The following OR5A1 variants were observed in gnomAD, a reference collection of about 807,000 sequenced individuals.
OR5A1 encodes the protein olfactory receptor 5A1.
A neutral mutation model predicts 6.7 loss-of-function variants in OR5A1; 6 were observed. The observed-to-expected ratio is 0.89, with a 90% CI of 0.49 to 1.76. The LOEUF is 1.76. Among genes scored for constraint, OR5A1 ranks in the 40% most tolerant of loss-of-function variants. The pLI is 0.01. For synonymous variants in OR5A1, 170 were observed against 155.0 expected (o/e 1.10, Z -0.72); for missense variants, 378 against 381.7 (o/e 0.99, Z 0.08).
Position 59,444,763 on chromosome 11 carries a change from C to G in OR5A1, c.*647C>G, listed in dbSNP as rs1858528406. ...ATCAAATGCCCTCTCTAGGATCTCC[C>G]TGTTGAATTCCAATTATGGCTACTG... On this transcript the variant is annotated 3_prime_UTR_variant, in exon 2 of 2. Coordinates refer to ENST00000641045, the MANE Select transcript of OR5A1 (RefSeq NM_001004728.2). 1.3e-5 allele frequency: 2 copies of G among 152,168 alleles called. No individual in the cohort carries two copies. The highest frequency in any genetic ancestry group is 1.3e-4 in the Admixed American group (2 of 15,280). 9.4% of individuals were successfully genotyped at this position (152,168 alleles called of 1,614,324 possible). A position where few individuals can be genotyped will look rare whatever the true frequency, so the allele number is the denominator to read the frequency against.
In OR5A1 at chr11:59,443,892, A is replaced by C. The variant is rs1307258751; in HGVS notation, c.724A>C (p.Asn242His). 6.2e-7 allele frequency: 1 copy of C among 1,614,054 alleles called. No homozygotes were observed. Among genetic ancestry groups the C allele is most frequent in the South Asian group, 1.1e-5 (1 of 91,078 alleles). Residue 242 changes from asparagine (N) to histidine (H), a missense_variant, in exon 2 of 2, where the codon AAC becomes CAC. Transcript: ENST00000641045. ...AGCAGAGGGCCGATGGAAAGCCTGC[A>C]ACACGTGTGCCTCGCATCTGATGGT... ...PSAEGRWKAC[N>H]TCASHLMVVT...
intron 1 of OR5A1, among the ~76,000 whole-genome samples, chr11:59,441,365 G>T (rs1858478929): frequency 6.6e-6 from 1 of 151,922 alleles, no homozygotes; most frequent in Non-Finnish European, 1.5e-5. Flanking sequence ...TATTAATCAG[G>T]AACATGATTT....
In OR5A1 at chr11:59,445,392, CT is replaced by C. The variant is rs1237204500; in HGVS notation, c.*1279del. ...CCATGGTATGTATGTACCATATTTTCTTTATCCAGTCTCTCATTGATGGGAA... is the reference window on the plus strand; with the variant it reads ...CCATGGTATGTATGTACCATATTTTCTTATCCAGTCTCTCATTGATGGGAA... On this transcript the variant is annotated 3_prime_UTR_variant, in exon 2 of 2. Transcript: ENST00000641045. 1 of 152,126 alleles carries C rather than the reference CT, an allele frequency of 6.6e-6. No homozygotes were observed. The highest frequency in any genetic ancestry group is 1.5e-5 in the Non-Finnish European group (1 of 68,018). The allele number at this position is 152,126 out of a possible 1,614,324, so 9.4% of individuals were successfully genotyped here. A position where few individuals can be genotyped will look rare whatever the true frequency, so the allele number is the denominator to read the frequency against.
At position 59,448,051 on chromosome 11, in the gene OR5A1, T is replaced by G. The variant is rs1858572933; in HGVS notation, c.*3935T>G. 1 of 152,152 alleles carries G rather than the reference T, an allele frequency of 6.6e-6. No individual in the cohort carries two copies. Among genetic ancestry groups the G allele is most frequent in the Admixed American group, 6.5e-5 (1 of 15,276 alleles). The allele number at this position is 152,152 out of a possible 1,614,324, so 9.4% of individuals were successfully genotyped here. A position where few individuals can be genotyped will look rare whatever the true frequency, so the allele number is the denominator to read the frequency against. ...ACACACTAATGATAGCTGATGAGCT[T>G]TAAAAAAATCACAAAAAAACTCTTA... On this transcript the variant is annotated 3_prime_UTR_variant, in exon 2 of 2. Coordinates refer to ENST00000641045, the MANE Select transcript of OR5A1 (RefSeq NM_001004728.2).
chr11:59,450,559 A>T lies in OR5A1; in HGVS notation c.*6443A>T, dbSNP rs1164601324. On this transcript the variant is annotated 3_prime_UTR_variant, in exon 2 of 2. Coordinates refer to ENST00000641045, the MANE Select transcript of OR5A1 (RefSeq NM_001004728.2). ...ATTAATGGAGAACTTTTTACTTCAA[A>T]TTGTAAATAGGTATAATACTTTTTC... 1 of 152,230 alleles carries T rather than the reference A, an allele frequency of 6.6e-6. No homozygotes were observed. The highest frequency in any genetic ancestry group is 2.4e-5 in the African/African-American group (1 of 41,464). The allele number at this position is 152,230 out of a possible 1,614,324, so 9.4% of individuals were successfully genotyped here.
rs1413384368 is a variant in OR5A1 at position 59,445,379 on chromosome 11, T to G, written c.*1263T>G. ...GCTGCATAGTATTCCATGGTATGTATGTACCATATTTTCTTTATCCAGTCT... is the reference window on the plus strand; with the variant it reads ...GCTGCATAGTATTCCATGGTATGTAGGTACCATATTTTCTTTATCCAGTCT... On this transcript the variant is annotated 3_prime_UTR_variant, in exon 2 of 2. Transcript: ENST00000641045. 1 of 152,244 alleles carries G rather than the reference T, an allele frequency of 6.6e-6. No homozygotes were observed. Among genetic ancestry groups the G allele is most frequent in the Non-Finnish European group, 1.5e-5 (1 of 68,046 alleles). The allele number at this position is 152,244 out of a possible 1,614,324, so 9.4% of individuals were successfully genotyped here. A position where few individuals can be genotyped will look rare whatever the true frequency, so the allele number is the denominator to read the frequency against.
rs1858600976 is a variant in OR5A1, at chr11:59,450,180, A to T, written c.*6064A>T. The stretch of plus-strand genomic sequence containing the variant: ...GAACAAGCTAATTCTATGTTCAATC[A>T]TGCAACCCTGAGGTTACAAAATAGA... On this transcript the variant is annotated 3_prime_UTR_variant, in exon 2 of 2. Transcript: ENST00000641045. The T allele has an allele frequency of 6.6e-6, 1 of 152,214 alleles. No homozygotes were observed. The highest frequency in any genetic ancestry group is 2.1e-4 in the South Asian group (1 of 4,836). The allele number at this position is 152,214 out of a possible 1,614,324, so 9.4% of individuals were successfully genotyped here.
At position 59,446,015 on chromosome 11, in the gene OR5A1, T is replaced by C. The variant is rs181406972; in HGVS notation, c.*1899T>C. On this transcript the variant is annotated 3_prime_UTR_variant, in exon 2 of 2. Coordinates refer to ENST00000641045, the MANE Select transcript of OR5A1 (RefSeq NM_001004728.2). ...TAGATCCCATTTGCCAATGTTTGCT[T>C]TTGTTGCAATTGCTTTTGACGTTTT... 3 of 152,358 alleles carry C rather than the reference T, an allele frequency of 2.0e-5. No individual in the cohort carries two copies. In the East Asian group the frequency reaches 5.8e-4, roughly 29 times the overall value. 9.4% of individuals were successfully genotyped at this position (152,358 alleles called of 1,614,324 possible). A position where few individuals can be genotyped will look rare whatever the true frequency, so the allele number is the denominator to read the frequency against.
chr11:59,448,305 T>C lies in OR5A1; in HGVS notation c.*4189T>C, dbSNP rs924971527. 7 of 152,030 alleles carry C rather than the reference T, an allele frequency of 4.6e-5. No individual in the cohort carries two copies. The highest frequency in any genetic ancestry group is 8.8e-5 in the Non-Finnish European group (6 of 67,998). 9.4% of individuals were successfully genotyped at this position (152,030 alleles called of 1,614,324 possible). On this transcript the variant is annotated 3_prime_UTR_variant, in exon 2 of 2. Coordinates refer to ENST00000641045, the MANE Select transcript of OR5A1 (RefSeq NM_001004728.2). ...GGAACTCCCCATACACATACTAAGA[T>C]CTTTAAGGTTACTTCACTCTGATCC...
At position 59,444,840 on chromosome 11, in the gene OR5A1, C is replaced by T. The variant is rs970810459; in HGVS notation, c.*724C>T. The T allele has an allele frequency of 1.3e-5, 2 of 152,136 alleles. No homozygotes were observed. The highest frequency in any genetic ancestry group is 2.9e-5 in the Non-Finnish European group (2 of 68,030). The allele number at this position is 152,136 out of a possible 1,614,324, so 9.4% of individuals were successfully genotyped here. ...GACATTCCCCTTGGCTGCCATTTCT[C>T]TCTTTCTCAGCTATGTAAGGGCTGG... On this transcript the variant is annotated 3_prime_UTR_variant, in exon 2 of 2. Transcript: ENST00000641045.
rs1858561227 is a variant in OR5A1, at chr11:59,447,267, G to A, written c.*3151G>A. ...TATACCACCCAGGGAAAATACTAGA[G>A]AAACTCAACATATGCCTCCCATTTC... On this transcript the variant is annotated 3_prime_UTR_variant, in exon 2 of 2. Coordinates refer to ENST00000641045, the MANE Select transcript of OR5A1 (RefSeq NM_001004728.2). 6.6e-6 allele frequency: 1 copy of A among 152,154 alleles called. No homozygotes were observed. The highest frequency in any genetic ancestry group is 6.5e-5 in the Admixed American group (1 of 15,272). 9.4% of individuals were successfully genotyped at this position (152,154 alleles called of 1,614,324 possible).
rs1192445489 is a variant in OR5A1 at position 59,450,277 on chromosome 11, G to A, written c.*6161G>A. ...AACCTTCTAAGGTGATTGACCAGAA[G>A]AGTAGGTGGAATAATGTTAATCTGA... On this transcript the variant is annotated 3_prime_UTR_variant, in exon 2 of 2. Transcript: ENST00000641045. 6.6e-6 allele frequency: 1 copy of A among 152,190 alleles called. No individual in the cohort carries two copies. The highest frequency in any genetic ancestry group is 1.5e-5 in the Non-Finnish European group (1 of 68,032). The allele number at this position is 152,190 out of a possible 1,614,324, so 9.4% of individuals were successfully genotyped here.
At chr11:59,442,510 T>A (rs1858492446) in intron 1 of OR5A1, among the ~76,000 whole-genome samples, 1 of 152,116 alleles carries the variant, frequency 6.6e-6, no homozygotes, top group Non-Finnish European at 1.5e-5. Context: ...CAGACTAAGA[T>A]AAATTTGAAA....
rs781548873 is a variant in OR5A1 at position 59,443,241 on chromosome 11, G to C, written c.73G>C (p.Glu25Gln). ...CCTCCTGGGATTCACAGACCATCCA[G>C]AACTCCAGGCCCTCCTCTTTGTGAC... ...FILLGFTDHP[E>Q]LQALLFVTFL... The change falls in exon 2 of 2, where the codon GAA becomes CAA. Residue 25 changes from glutamate to glutamine, a missense_variant. Transcript: ENST00000641045. The C allele has an allele frequency of 6.2e-7, 1 of 1,614,056 alleles. No homozygotes were observed. The highest frequency in any genetic ancestry group is 1.7e-5 in the Admixed American group (1 of 60,012).
chr11:59,443,733 G>T lies in OR5A1; in HGVS notation c.565G>T (p.Ala189Ser). The T allele has an allele frequency of 6.2e-7, 1 of 1,614,020 alleles. No individual in the cohort carries two copies. The highest frequency in any genetic ancestry group is 8.5e-7 in the Non-Finnish European group (1 of 1,179,996). ...CTTCTGCGACCTCCCACCAGTCCTG[G>T]CTCTGTCTTGCTCTGACACCTTCCT... Reference protein sequence around the residue: ...HFFCDLPPVLALSCSDTFLSQ... With the variant: ...HFFCDLPPVLSLSCSDTFLSQ... The change falls in exon 2 of 2, where the codon GCT becomes TCT. Residue 189 changes from alanine to serine, a missense_variant. Ala to Ser is a moderately conservative substitution (Grantham distance 99). Coordinates refer to ENST00000641045, the MANE Select transcript of OR5A1 (RefSeq NM_001004728.2).
At position 59,450,912 on chromosome 11, in the gene OR5A1, G is replaced by A. The variant is rs149913300; in HGVS notation, c.*6796G>A. ...ATTGAACAAATTTTCTATATCAGAC[G>A]CTAACTTAAATTCTAATTTCTACTA... On this transcript the variant is annotated 3_prime_UTR_variant, in exon 2 of 2. Transcript: ENST00000641045. 92 of 152,268 alleles carry A rather than the reference G, an allele frequency of 6.0e-4. No homozygotes were observed. Among genetic ancestry groups the A allele is most frequent in the African/African-American group, 2.1e-3 (86 of 41,552 alleles). 9.4% of individuals were successfully genotyped at this position (152,268 alleles called of 1,614,324 possible).
intron 1 of OR5A1, among the ~76,000 whole-genome samples, chr11:59,442,025 A>C (rs1489562716): frequency 6.6e-6 from 1 of 152,338 alleles, no homozygotes; most frequent in South Asian, 2.1e-4. Context: ...ATAACAAAGT[A>C]AATACTATTA....
Position 59,443,760 on chromosome 11 carries a change from A to G in OR5A1, c.592A>G (p.Ser198Gly), listed in dbSNP as rs200045724. 9 of 1,614,040 alleles carry G rather than the reference A, an allele frequency of 5.6e-6. No homozygotes were observed. The African/African-American group carries it at 1.1e-4, about 19-fold the overall frequency. Residue 198 changes from serine (S) to glycine (G), a missense_variant, in exon 2 of 2, where the codon AGT becomes GGT. Coordinates refer to ENST00000641045, the MANE Select transcript of OR5A1 (RefSeq NM_001004728.2). The stretch of plus-strand genomic sequence containing the variant: ...TCTGTCTTGCTCTGACACCTTCCTC[A>G]GTCAAGTGGTGAATTTCCTCGTGGT... Reference protein sequence around the residue: ...LALSCSDTFLSQVVNFLVVVT... With the variant: ...LALSCSDTFLGQVVNFLVVVT...
intron 1 of OR5A1, among the ~76,000 whole-genome samples, chr11:59,439,453 T>G (rs1435381717): frequency 6.6e-6 from 1 of 152,146 alleles, no homozygotes; most frequent in African/African-American, 2.4e-5. Context: ...ATCATAGAAT[T>G]GTAGGGAGTC....
Sources: allele counts gnomAD v4.1 joint callset (sites outside exome capture counted in the v4.1 genomes callset), GRCh38; gene constraint gnomAD v4.1.1; transcripts MANE v1.5; gene names NCBI Gene and HGNC (gene_info 2026-07-23, HGNC 2026-07-21).